The following DGKB variants were observed in gnomAD, a reference collection of about 807,000 sequenced individuals.
DGKB encodes 90 kDa diacylglycerol kinase.
In DGKB, 67 loss-of-function variants were observed where a neutral mutation model predicts 114.3. The observed-to-expected ratio is 0.59, with a 90% CI of 0.48 to 0.72. The LOEUF (loss-of-function observed/expected upper bound fraction) is 0.72. Ranked by LOEUF, DGKB falls within the 30% of genes least tolerant of loss-of-function variation. The probability of loss-of-function intolerance (pLI) is 0.00; values close to 1 mark genes in which losing one functional copy is unlikely to be tolerated. For missense variants in DGKB, 907 were observed against 975.2 expected, an observed-to-expected ratio of 0.93 and a Z score of 0.93; for synonymous variants, 398 against 323.1, an observed-to-expected ratio of 1.23 and a Z score of -2.49.
intron 23 of DGKB, among the ~76,000 whole-genome samples, chr7:14,267,478 TC>T (rs201749422): frequency 0.01 from 1,454 of 141,788 alleles, 32 homozygotes; most frequent in African/African-American, 0.037. Flanking sequence ...ATTTTTTTTT[TC>T]TTTTTTTTTT....
intron 23 of DGKB, among the ~76,000 whole-genome samples, chr7:14,253,984 C>A (rs1485927803): frequency 1.3e-5 from 2 of 152,172 alleles, no homozygotes; most frequent in African/African-American, 2.4e-5. Context: ...AACTAATAAA[C>A]ATTTCCCTGA....
intron 23 of DGKB, among the ~76,000 whole-genome samples, chr7:14,227,117 G>T (rs994851551): frequency 2.0e-5 from 3 of 152,054 alleles, no homozygotes; most frequent in African/African-American, 7.2e-5. Context: ...AAGGCCCACA[G>T]CTATTTGATG....
chr7:14,496,879 A>G (rs1468230484), intron 20 of DGKB, among the ~76,000 whole-genome samples: 2 of 151,838 alleles, frequency 1.3e-5, no homozygotes, highest in Non-Finnish European at 2.9e-5. Context: ...ACTACAGCTA[A>G]TAAGGATATA....
chr7:14,163,747 C>G (rs1055717107), intron 25 of DGKB, among the ~76,000 whole-genome samples: 1 of 152,294 alleles, frequency 6.6e-6, no homozygotes, highest in East Asian at 1.9e-4. Context: ...AATCCCAGCA[C>G]TTTGTGGGAG....
chr7:14,666,169 T>A (rs1451658325), intron 13 of DGKB, among the ~76,000 whole-genome samples: 1 of 151,998 alleles, frequency 6.6e-6, no homozygotes, highest in Non-Finnish European at 1.5e-5. Context: ...AGAGATAACA[T>A]CATGATAAAC....
rs556119417 is a variant in DGKB at position 14,956,854 on chromosome 7, A to ATT, written c.-188+17840_-188+17841dup. ...TCTACTAGAGGGAAAAGTCGTTTCA[A>ATT]TTTTTTTTTTTAAGGCAAATGAGCA... On this transcript the variant is annotated intron_variant, in intron 1 of 4. Coordinates refer to the DGKB transcript ENST00000437998. 5.1e-4 allele frequency among the ~76,000 whole-genome samples: 76 copies of ATT among 148,458 alleles called. 1 individual carries two copies. Among genetic ancestry groups the ATT allele is most frequent in the East Asian group, 4.9e-3 (25 of 5,052 alleles).
At chr7:14,388,737 G>C (rs562968721) in intron 21 of DGKB, among the ~76,000 whole-genome samples, 2 of 152,124 alleles carry the variant, frequency 1.3e-5, no homozygotes, top group Admixed American at 1.3e-4. Context: ...CAGGAAGATG[G>C]AGAAAAAAGA....
At chr7:14,521,959 A>G (rs1158703132) in intron 20 of DGKB, among the ~76,000 whole-genome samples, 1 of 152,130 alleles carries the variant, frequency 6.6e-6, no homozygotes, top group African/African-American at 2.4e-5. Flanking sequence ...AAATCTGTGA[A>G]GTCTGCCTTT....
At chr7:14,508,189 A>G (rs1002312791) in intron 20 of DGKB, among the ~76,000 whole-genome samples, 12 of 152,218 alleles carry the variant, frequency 7.9e-5, no homozygotes, top group Non-Finnish European at 1.3e-4. Context: ...AAAAATATTA[A>G]GACACTATAC....
chr7:14,782,756 C>T (rs977304291), intron 2 of DGKB, among the ~76,000 whole-genome samples: 8 of 151,942 alleles, frequency 5.3e-5, no homozygotes, highest in Non-Finnish European at 5.9e-5. Context: ...AAAGTCTATT[C>T]GAGGTTAGTG....
intron 20 of DGKB, among the ~76,000 whole-genome samples, chr7:14,499,758 G>A (rs533090055): frequency 1.2e-4 from 18 of 151,914 alleles, no homozygotes; most frequent in Admixed American, 1.1e-3. Context: ...AAGTAGTGGA[G>A]AAATCAAATA....
At chr7:14,645,121 T>C (rs115238998) in intron 13 of DGKB, among the ~76,000 whole-genome samples, 2,057 of 152,210 alleles carry the variant, frequency 0.014, 39 homozygotes, top group African/African-American at 0.047. Flanking sequence ...AGACCAACCA[T>C]GGACCCATCA....
At chr7:14,833,673 A>C (rs1052208160) in intron 2 of DGKB, among the ~76,000 whole-genome samples, 2 of 152,126 alleles carry the variant, frequency 1.3e-5, no homozygotes, top group Non-Finnish European at 1.5e-5. Flanking sequence ...GCTTAGACTC[A>C]TGCCCATGTA....
chr7:14,356,151 A>G (rs2128617878), intron 21 of DGKB, among the ~76,000 whole-genome samples: 1 of 151,970 alleles, frequency 6.6e-6, no homozygotes, highest in Non-Finnish European at 1.5e-5. Context: ...TATTGCATCT[A>G]TTTGATTCTT....
intron 1 of DGKB, among the ~76,000 whole-genome samples, chr7:14,944,190 C>T (rs928674144): frequency 9.2e-5 from 14 of 151,898 alleles, no homozygotes; most frequent in African/African-American, 3.4e-4. Flanking sequence ...AAATGCTCTG[C>T]AGGTGGAAGA....
intron 2 of DGKB, among the ~76,000 whole-genome samples, chr7:14,796,872 A>T (rs758934837): frequency 2.6e-5 from 4 of 152,106 alleles, no homozygotes; most frequent in Non-Finnish European, 5.9e-5. Flanking sequence ...ATCATTAATC[A>T]TCCACCTTAT....
intron 20 of DGKB, among the ~76,000 whole-genome samples, chr7:14,570,872 G>T (rs1328197376): frequency 6.6e-6 from 1 of 152,054 alleles, no homozygotes; most frequent in Non-Finnish European, 1.5e-5. Context: ...AACCTGTGTT[G>T]TTCAAAGGTC....
intron 20 of DGKB, among the ~76,000 whole-genome samples, chr7:14,573,922 T>C (rs1186609097): frequency 1.3e-5 from 2 of 152,146 alleles, no homozygotes; most frequent in East Asian, 3.8e-4. Flanking sequence ...TAAATCATTC[T>C]AAGCTTCATT....
chr7:14,750,500 C>CG (rs1833945733), intron 4 of DGKB, among the ~76,000 whole-genome samples: 1 of 152,106 alleles, frequency 6.6e-6, no homozygotes, highest in Non-Finnish European at 1.5e-5. Flanking sequence ...AATCTGCCCG[C>CG]CTCCATCTCC....
Sources: gnomAD v4.1 joint callset for allele counts (sites outside exome capture counted in the v4.1 genomes callset) on GRCh38, gnomAD v4.1.1 for gene constraint, MANE v1.5 for transcripts, NCBI Gene and HGNC (gene_info 2026-07-23, HGNC 2026-07-21) for gene names.